Variants in LRFN2 observed in about 807,000 individuals in gnomAD.
The protein encoded by LRFN2 is leucine-rich repeat and fibronectin type-III domain-containing protein 2.
Under a neutral mutation model 37.3 loss-of-function variants are expected in LRFN2, and 18 were observed. That is an observed-to-expected ratio of 0.48 (90% CI 0.33 to 0.72). LRFN2 has a LOEUF of 0.72. Ranked by LOEUF, LRFN2 falls within the 30% of genes least tolerant of loss-of-function variation. LRFN2 has a pLI of 0.02. For missense variants in LRFN2, 1,006 were observed against 1,060.7 expected (o/e 0.95, Z 0.72); for synonymous variants, 556 against 466.6 (o/e 1.19, Z -2.47).
At chr6:40,569,552 G>A (rs1284132352) in intron 1 of LRFN2, among the ~76,000 whole-genome samples, 2 of 152,162 alleles carry the variant, frequency 1.3e-5, no homozygotes, top group Non-Finnish European at 2.9e-5. Flanking sequence ...AGTGGTTGGG[G>A]GCAGGAGCGG....
At chr6:40,404,618 G>A (rs1421054825) in intron 2 of LRFN2, among the ~76,000 whole-genome samples, 1 of 152,192 alleles carries the variant, frequency 6.6e-6, no homozygotes. Flanking sequence ...CTATTGGATG[G>A]TGCTGTTCTA....
chr6:40,520,765 G>A (rs75409639), intron 1 of LRFN2, among the ~76,000 whole-genome samples: 3,739 of 152,184 alleles, frequency 0.025, 74 homozygotes, highest in East Asian at 0.061. Flanking sequence ...GTCCCCCTCT[G>A]CCCAGGCCTG....
chr6:40,401,182 G>T (rs1762731826), intron 2 of LRFN2, among the ~76,000 whole-genome samples: 1 of 152,108 alleles, frequency 6.6e-6, no homozygotes, highest in Admixed American at 6.5e-5. Context: ...TCAGCCTCCA[G>T]GAAGAGCCTG....
chr6:40,547,139 T>C (rs1766679216), intron 1 of LRFN2, among the ~76,000 whole-genome samples: 1 of 151,084 alleles, frequency 6.6e-6, no homozygotes. Flanking sequence ...AGTTTTGCTC[T>C]TGTCACCCAG....
chr6:40,583,724 C>T (rs1009648014), intron 1 of LRFN2, among the ~76,000 whole-genome samples: 1 of 152,162 alleles, frequency 6.6e-6, no homozygotes, highest in Non-Finnish European at 1.5e-5. Context: ...ATGTATCCCT[C>T]CCGCTACTAC....
At chr6:40,467,170 GA>G (rs1764488709) in intron 1 of LRFN2, among the ~76,000 whole-genome samples, 3 of 7,562 alleles carry the variant, frequency 4.0e-4, no homozygotes, top group Non-Finnish European at 4.1e-3. Flanking sequence ...TGAATGAGAT[GA>G]TGATGATGAT....
chr6:40,492,592 T>C (rs955063675), intron 1 of LRFN2, among the ~76,000 whole-genome samples: 6 of 152,198 alleles, frequency 3.9e-5, no homozygotes, highest in Non-Finnish European at 7.3e-5. Context: ...TCAGCCTTGA[T>C]ACAACCAGCC....
chr6:40,435,006 T>G, intron 1 of LRFN2, among the ~76,000 whole-genome samples: 1 of 121,108 alleles, frequency 8.3e-6, no homozygotes. Flanking sequence ...TCTTGAGCAA[T>G]GGTTTTACAT....
chr6:40,547,126 T>TA (rs1766678784), intron 1 of LRFN2, among the ~76,000 whole-genome samples: 1 of 146,926 alleles, frequency 6.8e-6, no homozygotes, highest in African/African-American at 2.5e-5. Flanking sequence ...TTTTTTGAGA[T>TA]AGAGTTTTGC....
intron 1 of LRFN2, among the ~76,000 whole-genome samples, chr6:40,548,516 C>G (rs1373012800): frequency 6.6e-6 from 1 of 152,122 alleles, no homozygotes; most frequent in African/African-American, 2.4e-5. Flanking sequence ...TTGCAGGACT[C>G]AATAAATGAA....
At chr6:40,526,392 C>G (rs908575126) in intron 1 of LRFN2, among the ~76,000 whole-genome samples, 2 of 152,312 alleles carry the variant, frequency 1.3e-5, no homozygotes, top group South Asian at 4.1e-4. Flanking sequence ...CAGAAAATGA[C>G]AACTTTTGCC....
At chr6:40,514,012 T>C (rs575492081) in intron 1 of LRFN2, among the ~76,000 whole-genome samples, 1 of 152,050 alleles carries the variant, frequency 6.6e-6, no homozygotes, top group Admixed American at 6.5e-5. Flanking sequence ...TGGACCACCA[T>C]GCCAGGCTAA....
chr6:40,514,296 T>C (rs946730737), intron 1 of LRFN2, among the ~76,000 whole-genome samples: 5 of 152,110 alleles, frequency 3.3e-5, no homozygotes, highest in African/African-American at 1.2e-4. Context: ...GTAATACATA[T>C]GTTATATGAG....
intron 1 of LRFN2, among the ~76,000 whole-genome samples, chr6:40,508,653 G>C (rs1179817334): frequency 6.6e-6 from 1 of 152,276 alleles, no homozygotes; most frequent in South Asian, 2.1e-4. Flanking sequence ...ATTGACAAAA[G>C]TACCTATTTT....
rs575932228 is a variant in LRFN2, at chr6:40,550,943, C to G, written c.-19+35998G>C. 2.6e-5 allele frequency among the ~76,000 whole-genome samples: 4 copies of G among 152,252 alleles called. No individual in the cohort carries two copies. The East Asian group carries it at 7.7e-4, about 29-fold the overall frequency. On this transcript the variant is annotated intron_variant, in intron 1 of 2. Coordinates refer to ENST00000338305, the MANE Select transcript of LRFN2 (RefSeq NM_020737.3). ...TATTTTTAAATGTGCATATGTAGTACAAGAGTATGTGTTGGCAGCCAAAGA... is the reference window on the plus strand; with the variant it reads ...TATTTTTAAATGTGCATATGTAGTAGAAGAGTATGTGTTGGCAGCCAAAGA...
chr6:40,420,541 GC>G (rs1763202808), intron 2 of LRFN2, among the ~76,000 whole-genome samples: 1 of 152,252 alleles, frequency 6.6e-6, no homozygotes, highest in East Asian at 1.9e-4. Context: ...GTGGGCAGGT[GC>G]CAAGAAATGC....
intron 1 of LRFN2, among the ~76,000 whole-genome samples, chr6:40,542,104 C>T (rs531711077): frequency 3.0e-4 from 46 of 152,360 alleles, no homozygotes; most frequent in African/African-American, 1.1e-3. Flanking sequence ...CGCAGACACA[C>T]GCAAATACAC....
intron 2 of LRFN2, among the ~76,000 whole-genome samples, chr6:40,411,855 A>G (rs1438874243): frequency 1.3e-5 from 2 of 151,662 alleles, no homozygotes; most frequent in Non-Finnish European, 2.9e-5. Context: ...CAGCACCCAT[A>G]TCATTTACTC....
intron 1 of LRFN2, among the ~76,000 whole-genome samples, chr6:40,568,565 C>T (rs1297880076): frequency 2.0e-5 from 3 of 152,220 alleles, no homozygotes; most frequent in Non-Finnish European, 4.4e-5. Context: ...GTTCCAAATG[C>T]CTCGCTAATG....
Sources: gnomAD v4.1 joint callset for allele counts (sites outside exome capture counted in the v4.1 genomes callset) on GRCh38, gnomAD v4.1.1 for gene constraint, MANE v1.5 for transcripts, NCBI Gene and HGNC (gene_info 2026-07-23, HGNC 2026-07-21) for gene names.